Variants in LINGO1 observed in about 807,000 individuals in gnomAD.
The protein encoded by LINGO1 is leucine-rich repeat and immunoglobulin-like domain-containing nogo receptor-interacting protein 1.
LINGO1 carries 11 observed loss-of-function variants against 37.3 expected under a neutral mutation model. The ratio of observed to expected loss-of-function variants is 0.29; its 90% CI spans 0.19 to 0.49. The LOEUF is 0.49. Ranked by LOEUF, LINGO1 falls within the 20% of genes least tolerant of loss-of-function variation. The pLI is 0.99. For missense variants in LINGO1, 585 were observed against 878.2 expected, an observed-to-expected ratio of 0.67 and a Z score of 4.22; for synonymous variants, 387 against 403.0, an observed-to-expected ratio of 0.96 and a Z score of 0.48.
intron 2 of LINGO1, among the ~76,000 whole-genome samples, chr15:77,714,113 C>T (rs148542950): frequency 4.6e-5 from 7 of 152,294 alleles, no homozygotes; most frequent in African/African-American, 1.2e-4. Flanking sequence ...TGGTCAAAAA[C>T]GAACTCCTGA....
chr15:77,642,520 C>A (rs995740805), intron 3 of LINGO1, among the ~76,000 whole-genome samples: 1 of 152,216 alleles, frequency 6.6e-6, no homozygotes, highest in Non-Finnish European at 1.5e-5. Flanking sequence ...TTCCAGGCAG[C>A]CTAATTTGGA....
intron 3 of LINGO1, among the ~76,000 whole-genome samples, chr15:77,645,266 G>C (rs2074599111): frequency 6.6e-6 from 1 of 152,202 alleles, no homozygotes; most frequent in African/African-American, 2.4e-5. Flanking sequence ...TGGCCAGCCA[G>C]CTTGTAGGGA....
chr15:77,777,465 G>A (rs59847469), intron 1 of LINGO1, among the ~76,000 whole-genome samples: 72,923 of 139,892 alleles, frequency 0.52, 18,358 homozygotes, highest in South Asian at 0.58. Context: ...ATACACACAC[G>A]CACACACACA....
At chr15:77,634,791 C>A (rs1257015656), upstream of LINGO1, among the ~76,000 whole-genome samples, 1 of 151,870 alleles carries the variant, frequency 6.6e-6, no homozygotes, top group African/African-American at 2.4e-5. Context: ...GTGAGCTACC[C>A]GTGCGCTCCC....
intron 1 of LINGO1, among the ~76,000 whole-genome samples, chr15:77,819,102 GC>G (rs1344603508): frequency 7.1e-6 from 1 of 141,084 alleles, no homozygotes; most frequent in Non-Finnish European, 1.5e-5. Flanking sequence ...AAGCGTGCAC[GC>G]CCCCCACGGA....
At chr15:77,660,910 G>A (rs2074978496) in intron 3 of LINGO1, among the ~76,000 whole-genome samples, 1 of 152,206 alleles carries the variant, frequency 6.6e-6, no homozygotes, top group Non-Finnish European at 1.5e-5. Context: ...CCTGAGCCTG[G>A]CTGCCTGCTC....
At chr15:77,668,100 G>A (rs904498709) in intron 3 of LINGO1, 2 of 152,304 alleles carry the variant, frequency 1.3e-5, no homozygotes, top group Non-Finnish European at 2.9e-5. Context: ...TGCATTGTGA[G>A]GAAGTGAATG....
intron 2 of LINGO1, among the ~76,000 whole-genome samples, chr15:77,794,301 TATACATATATGTGTATATAC>T (rs1406406452): frequency 2.0e-5 from 2 of 100,528 alleles, no homozygotes; most frequent in Admixed American, 1.1e-4. Context: ...TATGTATATA[TATACATATATGTGTATATAC>T]ATACATATAT....
rs143477230 is a variant in LINGO1, at chr15:77,749,815, G to C, written c.-256-14762C>G. ...CTCTCTGCCAATAAGCTGAGGGCTG[G>C]CTGGGCATGTCTGGAGCCCAAGGGC... On this transcript the variant is annotated intron_variant, in intron 1 of 3. Transcript: ENST00000561686. Among the ~76,000 whole-genome samples, 969 of 152,318 alleles carry C rather than the reference G, an allele frequency of 6.4e-3. 4 individuals are homozygous for C. Among genetic ancestry groups the C allele is most frequent in the Middle Eastern group, 0.017 (5 of 294 alleles).
rs201326697 is a variant in LINGO1, at chr15:77,615,535, C to T, written c.372G>A (p.Leu124=). ...AFNNLFNLRT[L]GLRSNRLKLI... Reference sequence around the variant, plus strand: ...GCTTCAGGCGGTTGCTGCGGAGACCCAGCGTCCGGAGGTTGAAGAGGTTGT... The same window carrying T: ...GCTTCAGGCGGTTGCTGCGGAGACCTAGCGTCCGGAGGTTGAAGAGGTTGT... Residue 124 remains leucine (L), a synonymous_variant, in exon 2 of 2, where the codon CTG becomes CTA. Transcript: ENST00000355300. 5 of 1,613,520 alleles carry T rather than the reference C, an allele frequency of 3.1e-6. No individual in the cohort carries two copies. The African/African-American group carries it at 5.3e-5, about 17-fold the overall frequency.
chr15:77,627,446 G>C (rs1383360484), intron 1 of LINGO1, among the ~76,000 whole-genome samples: 1 of 152,140 alleles, frequency 6.6e-6, no homozygotes, highest in Non-Finnish European at 1.5e-5. Context: ...GAGTCACCTT[G>C]CTCAGCCACC....
At chr15:77,635,046 T>C (rs2074369162), upstream of LINGO1, among the ~76,000 whole-genome samples, 2 of 152,188 alleles carry the variant, frequency 1.3e-5, no homozygotes, top group South Asian at 4.2e-4. Flanking sequence ...GCCCACTCAT[T>C]CCACCCCGCT....
chr15:77,679,394 T>C (rs1280623613), intron 2 of LINGO1, among the ~76,000 whole-genome samples: 1 of 152,210 alleles, frequency 6.6e-6, no homozygotes, highest in East Asian at 1.9e-4. Flanking sequence ...ATACCTAGAA[T>C]AGCATCTGGT....
chr15:77,792,788 C>T (rs1405657252), intron 2 of LINGO1, among the ~76,000 whole-genome samples: 2 of 152,232 alleles, frequency 1.3e-5, no homozygotes, highest in African/African-American at 4.8e-5. Context: ...GGATGCCATG[C>T]TGGGCACAGA....
chr15:77,722,645 G>C (rs2141315950), intron 2 of LINGO1, among the ~76,000 whole-genome samples: 1 of 152,324 alleles, frequency 6.6e-6, no homozygotes, highest in South Asian at 2.1e-4. Context: ...TGTGGTAATG[G>C]TATCACGGTT....
chr15:77,668,792 TACACACACACACACAC>T (rs34476518), intron 3 of LINGO1, among the ~76,000 whole-genome samples: 49 of 134,816 alleles, frequency 3.6e-4, no homozygotes, highest in Non-Finnish European at 5.9e-4. Flanking sequence ...CACAGGGGAA[TACACACACACACACAC>T]ACACACACAC....
intron 3 of LINGO1, among the ~76,000 whole-genome samples, chr15:77,658,921 A>G (rs943326875): frequency 6.6e-6 from 1 of 152,326 alleles, no homozygotes; most frequent in African/African-American, 2.4e-5. Context: ...AATAGAGTGG[A>G]GTGGAGATTT....
At chr15:77,783,645 G>A (rs943125411) in intron 1 of LINGO1, among the ~76,000 whole-genome samples, 3 of 152,184 alleles carry the variant, frequency 2.0e-5, no homozygotes, top group Non-Finnish European at 4.4e-5. Flanking sequence ...CCTCTAGGAC[G>A]GCTGTGTGGA....
chr15:77,723,884 G>A (rs1247615683), intron 2 of LINGO1, among the ~76,000 whole-genome samples: 3 of 152,154 alleles, frequency 2.0e-5, no homozygotes, highest in Admixed American at 6.5e-5. Context: ...GTCGGGGCGC[G>A]GGGGCGGGAG....
Sources: allele counts gnomAD v4.1 joint callset (sites outside exome capture counted in the v4.1 genomes callset), GRCh38; gene constraint gnomAD v4.1.1; transcripts MANE v1.5; gene names NCBI Gene and HGNC (gene_info 2026-07-23, HGNC 2026-07-21).